Variants in KDM1A observed in about 807,000 individuals in gnomAD.
KDM1A encodes lysine demethylase 1A.
A neutral mutation model predicts 109.4 loss-of-function variants in KDM1A; 49 were observed. The ratio of observed to expected loss-of-function variants is 0.45; its 90% CI spans 0.36 to 0.57. KDM1A has a LOEUF of 0.57. Ranked by LOEUF, KDM1A falls within the 20% of genes least tolerant of loss-of-function variation. The pLI is 0.00. For synonymous variants in KDM1A, 380 were observed against 415.4 expected (o/e 0.91, Z 1.04); for missense variants, 668 against 1,116.6 (o/e 0.60, Z 5.73).
At chr1:23,066,106 C>A in intron 10 of KDM1A, 35 bp downstream of exon 10, 1 of 1,407,140 alleles carries the variant, frequency 7.1e-7, no homozygotes, top group Non-Finnish European at 1.0e-6. Context: ...TCATTTTCCT[C>A]ACTGTTTACA....
At chr1:23,053,990 A>G in intron 5 of KDM1A, 151 bp downstream of exon 5, 2 of 605,880 alleles carry the variant, frequency 3.3e-6, no homozygotes, top group South Asian at 4.2e-5. Context: ...GTCTTATAGA[A>G]AACCTGTTTT....
intron 9 of KDM1A, chr1:23,059,399 TA>T: frequency 1.7e-6 from 1 of 573,370 alleles, no homozygotes; most frequent in Non-Finnish European, 3.3e-6. Context: ...CATTTATCTT[TA>T]GATATTTAAT....
intron 2 of KDM1A, among the ~76,000 whole-genome samples, chr1:23,038,070 T>A (rs1642200734): frequency 6.6e-6 from 1 of 152,198 alleles, no homozygotes; most frequent in African/African-American, 2.4e-5. Context: ...ATCTTGTATT[T>A]ATTAAGCAGA....
chr1:23,082,042 GA>G, intron 19 of KDM1A, 177 bp from the exon 20 acceptor site: 1 of 602,812 alleles, frequency 1.7e-6, no homozygotes, highest in South Asian at 2.3e-5. Context: ...CTTCCTGTCT[GA>G]AGTCCTTTTG....
intron 3 of KDM1A, among the ~76,000 whole-genome samples, chr1:23,046,498 G>A (rs978325370): frequency 9.2e-5 from 14 of 151,990 alleles, no homozygotes; most frequent in Admixed American, 2.0e-4. Context: ...TAACTCTCAT[G>A]GAGGCCTTCT....
chr1:23,025,627 G>T (rs935716347), intron 1 of KDM1A, among the ~76,000 whole-genome samples: 1 of 152,100 alleles, frequency 6.6e-6, no homozygotes, highest in Non-Finnish European at 1.5e-5. Flanking sequence ...ACTGCACCTG[G>T]CAGGTGTATT....
chr1:23,035,048 G>A (rs1227697933), intron 2 of KDM1A, among the ~76,000 whole-genome samples: 1 of 152,096 alleles, frequency 6.6e-6, no homozygotes, highest in Non-Finnish European at 1.5e-5. Flanking sequence ...TAACAAGTCT[G>A]TATTATAATT....
chr1:23,033,677 G>A (rs1017795115), intron 2 of KDM1A, among the ~76,000 whole-genome samples: 41 of 152,334 alleles, frequency 2.7e-4, no homozygotes, highest in Middle Eastern at 3.4e-3. Flanking sequence ...GAAAGCACAA[G>A]GTATTCTGAA....
intron 9 of KDM1A, among the ~76,000 whole-genome samples, chr1:23,063,219 T>TGGG (rs796579346): frequency 3.6e-5 from 1 of 27,402 alleles, no homozygotes; most frequent in Non-Finnish European, 1.1e-4. Flanking sequence ...TGGTGTGGGG[T>TGGG]GGGTGTGTGT....
chr1:23,080,457 C>T (rs942588049), intron 18 of KDM1A, among the ~76,000 whole-genome samples: 1 of 152,210 alleles, frequency 6.6e-6, no homozygotes, highest in African/African-American at 2.4e-5. Flanking sequence ...TACCTGTTGC[C>T]TGGACGGTTA....
chr1:23,056,575 A>G (rs1397139484), intron 7 of KDM1A, among the ~76,000 whole-genome samples: 1 of 152,126 alleles, frequency 6.6e-6, no homozygotes, highest in Non-Finnish European at 1.5e-5. Flanking sequence ...AATTTTTGAA[A>G]TCTAATGATC....
intron 2 of KDM1A, among the ~76,000 whole-genome samples, chr1:23,041,305 A>T (rs1002018983): frequency 2.6e-5 from 4 of 152,102 alleles, no homozygotes; most frequent in Non-Finnish European, 2.9e-5. Flanking sequence ...ATCAAGAGAT[A>T]AATAACTTGT....
At chr1:23,082,429 G>GTTT in intron 20 of KDM1A, 63 bp downstream of exon 20, 1 of 1,218,562 alleles carries the variant, frequency 8.2e-7, no homozygotes, top group Non-Finnish European at 1.1e-6. Flanking sequence ...TGATGTCCCT[G>GTTT]ATTTTTTTTT....
intron 7 of KDM1A, among the ~76,000 whole-genome samples, chr1:23,057,006 C>T (rs1038076725): frequency 2.0e-5 from 3 of 151,910 alleles, no homozygotes; most frequent in Non-Finnish European, 4.4e-5. Flanking sequence ...ACTGGAGAAC[C>T]ATTTGTCAGA....
chr1:23,083,050 A>G lies in KDM1A; in HGVS notation c.2446-129A>G, dbSNP rs182724665. 7.7e-6 allele frequency: 6 copies of G among 774,894 alleles called. No individual in the cohort carries two copies. The Admixed American group carries it at 1.6e-4, about 21-fold the overall frequency. 48.0% of individuals were successfully genotyped at this position (774,894 alleles called of 1,614,324 possible). ...ACTGATAAGGGAGACTCTTCGATAG[A>G]ATGATGAATAGTAATTGGGGGGGTC... is the stretch of plus-strand genomic sequence containing the variant. On this transcript the variant is annotated intron_variant, in intron 20 of 20. Transcript: ENST00000400181.
Position 23,079,703 on chromosome 1 carries a change from T to C in KDM1A, c.2170+36T>C. On this transcript the variant is annotated intron_variant, in intron 18 of 20. Coordinates refer to ENST00000400181, the MANE Select transcript of KDM1A (RefSeq NM_001009999.3). The surrounding 1 kb of genome is among the most constrained non-coding windows in gnomAD (Gnocchi z 5.6). ...TCTAATTTTAATCTTTTCCATATCCTTACAGGAATATAGAATTTGAAATAT... is the reference window on the plus strand; with the variant it reads ...TCTAATTTTAATCTTTTCCATATCCCTACAGGAATATAGAATTTGAAATAT... The C allele has an allele frequency of 7.5e-7, 1 of 1,326,440 alleles. No homozygotes were observed. The highest frequency in any genetic ancestry group is 1.1e-6 in the Non-Finnish European group (1 of 946,156). The allele number at this position is 1,326,440 out of a possible 1,614,324, so 82.2% of individuals were successfully genotyped here. A position where few individuals can be genotyped will look rare whatever the true frequency, so the allele number is the denominator to read the frequency against.
intron 2 of KDM1A, 143 bp downstream of exon 2, chr1:23,030,777 T>G (rs1557506060): frequency 2.4e-6 from 2 of 818,252 alleles, no homozygotes; most frequent in South Asian, 2.0e-5. Context: ...ATGTGTGTCT[T>G]TGTGTGTGTG....
In KDM1A at chr1:23,082,365, A is replaced by G; in HGVS notation, c.2444A>G (p.Gln815Arg). Reference protein sequence around the residue: ...TPGPSIPGAPQPIPRLFFAGE... With the variant: ...TPGPSIPGAPRPIPRLFFAGE... The stretch of plus-strand genomic sequence containing the variant: ...GGCCCCTCGATTCCAGGTGCCCCAC[A>G]GGTGAGAAGCTGGCAAACTATCTGG... The change falls in exon 20 of 21, where the codon CAG becomes CGG. Residue 815 changes from glutamine to arginine, a missense_variant and splice_region_variant. By Grantham distance (43) the Gln-to-Arg change is conservative (BLOSUM62 1). Coordinates refer to ENST00000400181, the MANE Select transcript of KDM1A (RefSeq NM_001009999.3). 1 of 1,611,138 alleles carries G rather than the reference A, an allele frequency of 6.2e-7. No homozygotes were observed. Among genetic ancestry groups the G allele is most frequent in the Non-Finnish European group, 8.5e-7 (1 of 1,178,678 alleles).
At chr1:23,056,090 G>A (rs1278811834) in intron 7 of KDM1A, 52 bp downstream of exon 7, 1 of 1,189,560 alleles carries the variant, frequency 8.4e-7, no homozygotes, top group South Asian at 1.2e-5. Flanking sequence ...AATATGGTAA[G>A]CAAATTATCT....
Sources: gnomAD v4.1 joint callset for allele counts (sites outside exome capture counted in the v4.1 genomes callset) on GRCh38, gnomAD v4.1.1 for gene constraint, Gnocchi (gnomAD v3.1) non-coding constraint, MANE v1.5 for transcripts, NCBI Gene and HGNC (gene_info 2026-07-23, HGNC 2026-07-21) for gene names.